The following CCDC83 variants were observed in gnomAD, a reference collection of about 807,000 sequenced individuals.
CCDC83 encodes the protein coiled-coil domain containing 83.
A neutral mutation model predicts 50.1 loss-of-function variants in CCDC83; 54 were observed. The observed-to-expected ratio is 1.08, with a 90% CI of 0.87 to 1.35. The LOEUF is 1.35. Ranked by LOEUF, CCDC83 falls within the 40% of genes most tolerant of loss-of-function variation. The probability of loss-of-function intolerance (pLI) is 0.00; values close to 1 mark genes in which losing one functional copy is unlikely to be tolerated. For synonymous variants in CCDC83, 161 were observed against 153.3 expected (o/e 1.05, Z -0.37); for missense variants, 518 against 473.9 (o/e 1.09, Z -0.86).
chr11:85,895,215 G>T (rs2135078653), intron 5 of CCDC83, 78 bp from the exon 6 acceptor site: 1 of 377,374 alleles, frequency 2.6e-6, no homozygotes. Flanking sequence ...AGAGTAGACT[G>T]CCACACATAG....
chr11:85,856,850 G>A (rs1184483920), intron 1 of CCDC83, among the ~76,000 whole-genome samples: 1 of 152,124 alleles, frequency 6.6e-6, no homozygotes, highest in Non-Finnish European at 1.5e-5. Flanking sequence ...TAAAATTAAT[G>A]TTTTAGGTGG....
chr11:85,908,550 A>C (rs546483994), intron 7 of CCDC83, among the ~76,000 whole-genome samples: 47 of 142,254 alleles, frequency 3.3e-4, no homozygotes, highest in African/African-American at 1.2e-3. Flanking sequence ...AGACTAGATG[A>C]TTAGATAGAT....
In CCDC83 at chr11:85,895,037, C is replaced by T. The variant is rs187963870; in HGVS notation, c.512-256C>T. ...AACCAGGTCTATCAACTTTCTGAGC[C>T]CCCTTAATCCCTCTCTACTCTCCTC... On this transcript the variant is annotated intron_variant, in intron 5 of 10. Transcript: ENST00000342404. 2.9e-3 allele frequency among the ~76,000 whole-genome samples: 440 copies of T among 152,218 alleles called. 3 individuals are homozygous for T. The highest frequency in any genetic ancestry group is 0.01 in the African/African-American group (426 of 41,546).
At chr11:85,868,471 T>C (rs2093220102) in intron 2 of CCDC83, among the ~76,000 whole-genome samples, 1 of 152,186 alleles carries the variant, frequency 6.6e-6, no homozygotes, top group African/African-American at 2.4e-5. Context: ...GCCTCCTGGA[T>C]TCAAGCAATT....
Position 85,900,722 on chromosome 11 carries a change from A to C in CCDC83, c.672+1707A>C, listed in dbSNP as rs181579984. On this transcript the variant is annotated intron_variant, in intron 7 of 10. Transcript: ENST00000342404. ...CAATAACAACAAAAACAGCCTGTGG[A>C]AGAAATAGAAAAAATTTAGGGAACT... is the stretch of plus-strand genomic sequence containing the variant. 6.9e-4 allele frequency among the ~76,000 whole-genome samples: 105 copies of C among 152,338 alleles called. 1 individual carries two copies. The highest frequency in any genetic ancestry group is 2.4e-3 in the African/African-American group (98 of 41,582).
At chr11:85,885,157 T>C (rs2093320807) in intron 4 of CCDC83, among the ~76,000 whole-genome samples, 1 of 151,732 alleles carries the variant, frequency 6.6e-6, no homozygotes, top group Non-Finnish European at 1.5e-5. Context: ...GAGGTTGCAG[T>C]GAGCCGAGAT....
At chr11:85,885,714 A>G (rs2093323668) in intron 4 of CCDC83, among the ~76,000 whole-genome samples, 1 of 152,250 alleles carries the variant, frequency 6.6e-6, no homozygotes, top group African/African-American at 2.4e-5. Flanking sequence ...AGAAATCCAA[A>G]TAAATGAACT....
At chr11:85,911,124 T>C (rs925052509) in intron 7 of CCDC83, among the ~76,000 whole-genome samples, 157 bp from the exon 8 acceptor site, 4 of 145,670 alleles carry the variant, frequency 2.7e-5, no homozygotes, top group African/African-American at 1.0e-4. Flanking sequence ...TGAGCCAAGA[T>C]TGCACCACCG....
intron 5 of CCDC83, among the ~76,000 whole-genome samples, chr11:85,888,046 A>G (rs1300903210): frequency 6.6e-6 from 1 of 152,130 alleles, no homozygotes; most frequent in Admixed American, 6.5e-5. Context: ...TTTCTTACAC[A>G]TAAGCATTAA....
intron 2 of CCDC83, 74 bp from the exon 3 acceptor site, chr11:85,873,137 C>A: frequency 2.7e-6 from 2 of 733,762 alleles, no homozygotes; most frequent in South Asian, 2.5e-5. Flanking sequence ...TAATTCACTT[C>A]AAATACCTTT....
chr11:85,865,913 A>G (rs868116455), intron 2 of CCDC83, among the ~76,000 whole-genome samples: 67 of 152,136 alleles, frequency 4.4e-4, no homozygotes, highest in African/African-American at 1.3e-3. Context: ...AAAAAAAAAA[A>G]AGAGAGAATG....
intron 4 of CCDC83, among the ~76,000 whole-genome samples, chr11:85,884,934 G>A (rs1592158614): frequency 1.3e-5 from 2 of 152,162 alleles, no homozygotes; most frequent in South Asian, 4.1e-4. Context: ...CTTGTGGCCA[G>A]GCATGGTGAC....
chr11:85,881,377 CA>C (rs1402872595), intron 3 of CCDC83, among the ~76,000 whole-genome samples: 4,985 of 144,938 alleles, frequency 0.034, 118 homozygotes, highest in Non-Finnish European at 0.05. Flanking sequence ...CATCCCCCCC[CA>C]AAAAAAAAAA....
At position 85,865,184 on chromosome 11, in the gene CCDC83, A is replaced by G. The variant is rs1281255971; in HGVS notation, c.61A>G (p.Lys21Glu). The change falls in exon 2 of 11, where the codon AAA becomes GAA. Residue 21 changes from lysine (K) to glutamate (E), a missense_variant. By Grantham distance (56) the Lys-to-Glu change is moderately conservative. Transcript: ENST00000342404. The part of the protein sequence containing the change: ...DTHDGPPKEI[K>E]LPTSEALLDY... ...ACATGACGGGCCACCAAAAGAAATT[A>G]AACTGCCTACCAGTGAAGCACTTCT... 4 of 1,611,830 alleles carry G rather than the reference A, an allele frequency of 2.5e-6. No individual in the cohort carries two copies. The highest frequency in any genetic ancestry group is 1.3e-5 in the African/African-American group (1 of 74,890).
chr11:85,860,065 G>T (rs1441823728), intron 1 of CCDC83, among the ~76,000 whole-genome samples: 2 of 152,080 alleles, frequency 1.3e-5, no homozygotes, highest in African/African-American at 4.8e-5. Flanking sequence ...GAGGCAGTCA[G>T]ATCACAAGGT....
chr11:85,859,293 C>A (rs764651670), intron 1 of CCDC83, among the ~76,000 whole-genome samples: 1 of 151,720 alleles, frequency 6.6e-6, no homozygotes, highest in Non-Finnish European at 1.5e-5. Flanking sequence ...CATTCAATGT[C>A]ATTTTTCATG....
At chr11:85,900,679 A>C (rs1482411445) in intron 7 of CCDC83, among the ~76,000 whole-genome samples, 2 of 152,230 alleles carry the variant, frequency 1.3e-5, no homozygotes, top group African/African-American at 2.4e-5. Context: ...GTGAATTAAC[A>C]ACAAAATAAA....
chr11:85,905,668 A>G (rs1311738706), intron 7 of CCDC83, among the ~76,000 whole-genome samples: 1 of 151,458 alleles, frequency 6.6e-6, no homozygotes, highest in Non-Finnish European at 1.5e-5. Flanking sequence ...TGAGCTCAAC[A>G]GTTAAAGAAT....
chr11:85,900,937 C>G (rs1225129967), intron 7 of CCDC83, among the ~76,000 whole-genome samples: 1 of 151,916 alleles, frequency 6.6e-6, no homozygotes, highest in Non-Finnish European at 1.5e-5. Context: ...CGGTGGCTCA[C>G]ACCTGTAGTC....
Sources: gnomAD v4.1 joint callset for allele counts (sites outside exome capture counted in the v4.1 genomes callset) on GRCh38, gnomAD v4.1.1 for gene constraint, MANE v1.5 for transcripts, NCBI Gene and HGNC (gene_info 2026-07-23, HGNC 2026-07-21) for gene names.